The following TAFA4 variants were observed in gnomAD, a reference collection of about 807,000 sequenced individuals.
The protein encoded by TAFA4 is chemokine-like protein TAFA-4.
TAFA4 carries 20 observed loss-of-function variants against 21.1 expected under a neutral mutation model. That is an observed-to-expected ratio of 0.95 (90% CI 0.67 to 1.38). The LOEUF (loss-of-function observed/expected upper bound fraction) is 1.38. TAFA4 is among the 40% of genes most tolerant of loss of function. The pLI is 0.00. For missense variants in TAFA4, 211 were observed against 180.9 expected (o/e 1.17, Z -0.95); for synonymous variants, 71 against 67.4 (o/e 1.05, Z -0.26).
intron 1 of TAFA4, among the ~76,000 whole-genome samples, chr3:68,905,150 C>CTTTTT (rs145187037): frequency 3.5e-5 from 3 of 85,260 alleles, no homozygotes; most frequent in African/African-American, 1.4e-4. Flanking sequence ...AGATTTCTGC[C>CTTTTT]TTTTTTTTTT....
intron 3 of TAFA4, among the ~76,000 whole-genome samples, chr3:68,793,686 A>G (rs983205492): frequency 1.3e-5 from 2 of 152,210 alleles, no homozygotes; most frequent in East Asian, 3.9e-4. Context: ...GTTTTTTAAA[A>G]AGGAGCTGCC....
intron 3 of TAFA4, among the ~76,000 whole-genome samples, chr3:68,817,693 C>T (rs1704019441): frequency 6.6e-6 from 1 of 152,170 alleles, no homozygotes; most frequent in Admixed American, 6.5e-5. Context: ...TCTCCTTGTA[C>T]ATCTCCATCA....
chr3:68,909,216 G>C (rs1174742972), intron 1 of TAFA4, among the ~76,000 whole-genome samples: 2 of 152,158 alleles, frequency 1.3e-5, no homozygotes, highest in Admixed American at 6.5e-5. Context: ...AATGACAACA[G>C]AATTTAGTAT....
chr3:68,826,315 T>G (rs1704234141), intron 3 of TAFA4, among the ~76,000 whole-genome samples: 1 of 152,190 alleles, frequency 6.6e-6, no homozygotes, highest in Admixed American at 6.5e-5. Context: ...GGCTCACGCC[T>G]GTAATCCCAA....
intron 3 of TAFA4, among the ~76,000 whole-genome samples, chr3:68,880,262 G>T (rs184256417): frequency 6.6e-6 from 1 of 152,112 alleles, no homozygotes; most frequent in East Asian, 1.9e-4. Context: ...AAAAAATCAT[G>T]TAGCATATTT....
intron 1 of TAFA4, among the ~76,000 whole-genome samples, chr3:68,921,115 C>G (rs62256133): frequency 0.22 from 32,688 of 151,980 alleles, 3,539 homozygotes; most frequent in Middle Eastern, 0.32. Context: ...TGACTGATGG[C>G]TCCTAAGGAA....
chr3:68,881,208 T>C (rs1375212502), intron 2 of TAFA4, among the ~76,000 whole-genome samples: 2 of 152,136 alleles, frequency 1.3e-5, no homozygotes, highest in African/African-American at 2.4e-5. Context: ...ATATATATGT[T>C]TTCTGGATCT....
intron 4 of TAFA4, among the ~76,000 whole-genome samples, chr3:68,740,798 C>A (rs1350895279): frequency 6.6e-6 from 1 of 152,168 alleles, no homozygotes; most frequent in Non-Finnish European, 1.5e-5. Context: ...ATTACATTTA[C>A]ATCCTTTTCA....
intron 3 of TAFA4, among the ~76,000 whole-genome samples, chr3:68,837,890 T>A (rs1439815934): frequency 1.3e-5 from 2 of 152,124 alleles, no homozygotes; most frequent in African/African-American, 4.8e-5. Flanking sequence ...TAATTCTTTT[T>A]TAATTGAAAA....
intron 3 of TAFA4, among the ~76,000 whole-genome samples, chr3:68,843,931 G>C (rs1225377886): frequency 6.6e-6 from 1 of 152,198 alleles, no homozygotes; most frequent in Non-Finnish European, 1.5e-5. Flanking sequence ...GTATTTTATT[G>C]AGGATTTTCG....
intron 3 of TAFA4, among the ~76,000 whole-genome samples, chr3:68,818,008 C>G (rs1575622518): frequency 6.6e-6 from 1 of 152,266 alleles, no homozygotes; most frequent in East Asian, 1.9e-4. Context: ...TACTTTCTAG[C>G]TAGGAAAGTC....
At chr3:68,739,899 A>C (rs1160735726) in intron 4 of TAFA4, among the ~76,000 whole-genome samples, 1 of 152,238 alleles carries the variant, frequency 6.6e-6, no homozygotes, top group African/African-American at 2.4e-5. Context: ...GAAGTTACTT[A>C]AGGGGTACAA....
In TAFA4 at chr3:68,854,214, T is replaced by C. The variant is rs1411434898; in HGVS notation, c.130+26516A>G. The stretch of plus-strand genomic sequence containing the variant: ...AATGACCATGAAAGAGGGCTCCAGG[T>C]GGAGGGAACACAGGCCTGAGACGAG... On this transcript the variant is annotated intron_variant, in intron 3 of 5. Transcript: ENST00000295569. Among the ~76,000 whole-genome samples the C allele has an allele frequency of 2.6e-5, 4 of 151,724 alleles. No individual in the cohort carries two copies. The East Asian group carries it at 7.8e-4, about 29-fold the overall frequency.
intron 1 of TAFA4, among the ~76,000 whole-genome samples, chr3:68,893,648 A>C (rs771842260): frequency 2.6e-5 from 4 of 152,324 alleles, no homozygotes; most frequent in African/African-American, 7.2e-5. Flanking sequence ...TACTGTTAAC[A>C]AACAGCTCAT....
chr3:68,781,573 A>G (rs1559519010), intron 3 of TAFA4, among the ~76,000 whole-genome samples: 10 of 152,230 alleles, frequency 6.6e-5, no homozygotes, highest in Admixed American at 2.6e-4. Context: ...TCCAAAAGAT[A>G]CTGACAATAT....
At chr3:68,922,664 A>C (rs1197010238) in intron 1 of TAFA4, among the ~76,000 whole-genome samples, 2 of 152,242 alleles carry the variant, frequency 1.3e-5, no homozygotes, top group African/African-American at 4.8e-5. Flanking sequence ...AGTCTTTTGT[A>C]GATGTGAAAA....
intron 3 of TAFA4, among the ~76,000 whole-genome samples, chr3:68,775,856 C>G (rs137866706): frequency 2.6e-5 from 4 of 152,202 alleles, no homozygotes; most frequent in Non-Finnish European, 5.9e-5. Context: ...ATAATATTTA[C>G]TTCAGTATCC....
At chr3:68,795,151 T>C (rs1703431968) in intron 3 of TAFA4, among the ~76,000 whole-genome samples, 1 of 151,686 alleles carries the variant, frequency 6.6e-6, no homozygotes, top group East Asian at 1.9e-4. Context: ...GAGATTATTT[T>C]GTGCTGGGAG....
chr3:68,830,206 T>C (rs995359571), intron 3 of TAFA4, among the ~76,000 whole-genome samples: 1 of 152,210 alleles, frequency 6.6e-6, no homozygotes, highest in Non-Finnish European at 1.5e-5. Flanking sequence ...GCTCTGATCT[T>C]AGTTATTTCT....
Sources: allele counts gnomAD v4.1 joint callset (sites outside exome capture counted in the v4.1 genomes callset), GRCh38; gene constraint gnomAD v4.1.1; transcripts MANE v1.5; gene names NCBI Gene and HGNC (gene_info 2026-07-23, HGNC 2026-07-21).